OSBP2: variants seen among roughly 807,000 people sequenced by gnomAD.
OSBP2 encodes oxysterol binding protein 2, also known as oxysterol-binding protein 2.
OSBP2 carries 66 observed loss-of-function variants against 96.0 expected under a neutral mutation model. The observed-to-expected ratio is 0.69, with a 90% CI of 0.56 to 0.84. OSBP2 has a LOEUF of 0.84. Ranked by LOEUF, OSBP2 falls within the 40% of genes least tolerant of loss-of-function variation. OSBP2 has a pLI of 0.00. For synonymous variants in OSBP2, 525 were observed against 520.9 expected (o/e 1.01, Z -0.11); for missense variants, 1,038 against 1,222.7 (o/e 0.85, Z 2.25).
chr22:30,853,995 A>G (rs1254283041), intron 2 of OSBP2, among the ~76,000 whole-genome samples: 1 of 152,026 alleles, frequency 6.6e-6, no homozygotes, highest in African/African-American at 2.4e-5. Flanking sequence ...TCCTGACCTC[A>G]TCATCCGCCC....
chr22:30,780,613 A>G (rs948337577), intron 2 of OSBP2, among the ~76,000 whole-genome samples: 6 of 150,736 alleles, frequency 4.0e-5, no homozygotes, highest in Non-Finnish European at 5.9e-5. Flanking sequence ...TGCTTATGCC[A>G]CAGCCTCCCG....
At chr22:30,843,981 C>G (rs912305886) in intron 2 of OSBP2, among the ~76,000 whole-genome samples, 15 of 151,480 alleles carry the variant, frequency 9.9e-5, no homozygotes, top group Non-Finnish European at 1.8e-4. Flanking sequence ...CTCAGGTGAT[C>G]TTCCTACCTC....
chr22:30,882,775 CAAAT>C (rs1291743845), intron 3 of OSBP2, among the ~76,000 whole-genome samples: 3 of 152,188 alleles, frequency 2.0e-5, no homozygotes, highest in Admixed American at 2.0e-4. Flanking sequence ...GTGGAAAAAA[CAAAT>C]ACTCCATTTT....
chr22:30,761,621 T>C (rs1192513503), intron 2 of OSBP2, among the ~76,000 whole-genome samples: 2 of 152,176 alleles, frequency 1.3e-5, no homozygotes, highest in African/African-American at 4.8e-5. Context: ...GAAATTAGAC[T>C]AGCTAAAGCA....
At chr22:30,700,953 G>A (rs1258069029) in intron 1 of OSBP2, among the ~76,000 whole-genome samples, 1 of 151,966 alleles carries the variant, frequency 6.6e-6, no homozygotes. Flanking sequence ...AAATTAGCTA[G>A]GCGTGGTGAC....
At chr22:30,699,890 G>A (rs996572230) in intron 1 of OSBP2, among the ~76,000 whole-genome samples, 3 of 151,904 alleles carry the variant, frequency 2.0e-5, no homozygotes, top group Non-Finnish European at 4.4e-5. Context: ...TATGAGATAT[G>A]GATAATTGTT....
At chr22:30,892,864 C>A (rs2039978834) in intron 8 of OSBP2, among the ~76,000 whole-genome samples, 1 of 152,138 alleles carries the variant, frequency 6.6e-6, no homozygotes, top group Non-Finnish European at 1.5e-5. Context: ...GCATGAGGTC[C>A]ACCATCACCC....
intron 3 of OSBP2, among the ~76,000 whole-genome samples, chr22:30,877,034 C>T (rs1282202851): frequency 6.6e-6 from 1 of 152,170 alleles, no homozygotes; most frequent in Non-Finnish European, 1.5e-5. Flanking sequence ...CTTTCCACTG[C>T]AGCATCTTCA....
intron 2 of OSBP2, among the ~76,000 whole-genome samples, chr22:30,785,923 A>C (rs946520481): frequency 1.3e-5 from 2 of 152,148 alleles, no homozygotes; most frequent in Non-Finnish European, 2.9e-5. Flanking sequence ...CTCCTCAGCC[A>C]TGCAGAACTG....
intron 1 of OSBP2, among the ~76,000 whole-genome samples, chr22:30,713,461 GTTAT>G (rs71328864): frequency 1.3e-5 from 2 of 149,748 alleles, no homozygotes; most frequent in Non-Finnish European, 3.0e-5. Flanking sequence ...TTTTTAAAAT[GTTAT>G]TTATTTATTT....
intron 12 of OSBP2, among the ~76,000 whole-genome samples, chr22:30,901,831 T>C (rs971812823): frequency 8.5e-5 from 13 of 152,078 alleles, no homozygotes; most frequent in African/African-American, 2.4e-5. Context: ...GCCACTGCAC[T>C]CCAGCCTGGA....
At chr22:30,818,413 A>G (rs2091106180) in intron 2 of OSBP2, among the ~76,000 whole-genome samples, 1 of 152,038 alleles carries the variant, frequency 6.6e-6, no homozygotes, top group Non-Finnish European at 1.5e-5. Context: ...AGGTTGCTTC[A>G]TTTTTGCAAC....
chr22:30,757,759 TG>T (rs2090159536), intron 2 of OSBP2, among the ~76,000 whole-genome samples: 1 of 152,264 alleles, frequency 6.6e-6, no homozygotes, highest in Admixed American at 6.5e-5. Context: ...ACCTCTCTCC[TG>T]GCCTCTTCCC....
intron 2 of OSBP2, among the ~76,000 whole-genome samples, chr22:30,754,717 G>C (rs1423713776): frequency 1.3e-5 from 2 of 152,116 alleles, no homozygotes; most frequent in Non-Finnish European, 2.9e-5. Flanking sequence ...GCCTCATCTT[G>C]GGGTCTCCAT....
chr22:30,891,155 G>A (rs1371014770), intron 8 of OSBP2, among the ~76,000 whole-genome samples, 182 bp downstream of exon 8: 2 of 152,238 alleles, frequency 1.3e-5, no homozygotes, highest in Non-Finnish European at 2.9e-5. Context: ...GCAGGCACAC[G>A]GCCTCCTGGA....
intron 2 of OSBP2, among the ~76,000 whole-genome samples, chr22:30,767,519 G>A (rs1286588229): frequency 6.7e-6 from 1 of 149,356 alleles, no homozygotes; most frequent in Non-Finnish European, 1.5e-5. Context: ...AACATGTCTG[G>A]ATGTATCTTT....
intron 1 of OSBP2, among the ~76,000 whole-genome samples, chr22:30,716,278 G>T (rs2089454459): frequency 6.6e-6 from 1 of 151,890 alleles, no homozygotes; most frequent in African/African-American, 2.4e-5. Flanking sequence ...CTGACCTCAG[G>T]TGATCTGCCT....
At chr22:30,821,605 C>T (rs534106199) in intron 2 of OSBP2, among the ~76,000 whole-genome samples, 83 of 152,014 alleles carry the variant, frequency 5.5e-4, no homozygotes, top group Non-Finnish European at 8.7e-4. Context: ...TAGGGAAGCT[C>T]AGATTTGGAC....
At chr22:30,729,772 G>A (rs1346400373) in intron 1 of OSBP2, among the ~76,000 whole-genome samples, 2 of 151,964 alleles carry the variant, frequency 1.3e-5, no homozygotes, top group East Asian at 1.9e-4. Flanking sequence ...TTGAGAGGCC[G>A]AGGCAGGTGG....
Sources: gnomAD v4.1 joint callset for allele counts (sites outside exome capture counted in the v4.1 genomes callset) on GRCh38, gnomAD v4.1.1 for gene constraint, MANE v1.5 for transcripts, NCBI Gene and HGNC (gene_info 2026-07-23, HGNC 2026-07-21) for gene names.